The following PCM1 variants were observed in gnomAD, a reference collection of about 807,000 sequenced individuals.
The protein encoded by PCM1 is pericentriolar material 1 protein.
A neutral mutation model predicts 241.9 loss-of-function variants in PCM1; 157 were observed. The observed-to-expected ratio is 0.65, with a 90% CI of 0.57 to 0.74. PCM1 has a LOEUF of 0.74. PCM1 is among the 30% of genes least tolerant of loss of function. The pLI, the probability that PCM1 is intolerant of heterozygous loss-of-function variation, is 0.00. For missense variants in PCM1, 3,478 were observed against 2,360.1 expected (o/e 1.47, Z -9.81); for synonymous variants, 1,085 against 784.9 (o/e 1.38, Z -6.39).
rs1330813176 is a variant in PCM1 at position 17,964,743 on chromosome 8, T to G, written c.2830T>G (p.Tyr944Asp). The G allele has an allele frequency of 6.2e-7, 1 of 1,613,532 alleles. No individual in the cohort carries two copies. Among genetic ancestry groups the G allele is most frequent in the Non-Finnish European group, 8.5e-7 (1 of 1,179,460 alleles). ...CPSNSVNHNSYNGKETKNRWK... is the reference protein window; with the variant it reads ...CPSNSVNHNSDNGKETKNRWK... ...TTCTAACAGTGTGAATCATAACTCC[T>G]ACAATGGAAAGGAAACTAAAAATAG... Residue 944 changes from tyrosine (Y) to aspartate (D), a missense_variant, in exon 18 of 39, where the codon TAC becomes GAC. Coordinates refer to ENST00000325083, the MANE Select transcript of PCM1 (RefSeq NM_006197.4).
intron 6 of PCM1, among the ~76,000 whole-genome samples, chr8:17,943,107 CAT>C (rs932962580): frequency 1.5e-4 from 22 of 150,980 alleles, no homozygotes; most frequent in African/African-American, 5.1e-4. Context: ...AGACTAATTT[CAT>C]ATGTTTTATT....
At chr8:17,956,466 C>G in intron 10 of PCM1, 138 bp from the exon 11 acceptor site, 1 of 605,044 alleles carries the variant, frequency 1.7e-6, no homozygotes, top group Non-Finnish European at 2.9e-6. Flanking sequence ...TACAGTCATA[C>G]CCCCTGGAGA....
At chr8:18,014,241 A>C (rs950042598) in intron 35 of PCM1, among the ~76,000 whole-genome samples, 3 of 152,158 alleles carry the variant, frequency 2.0e-5, no homozygotes, top group Non-Finnish European at 4.4e-5. Flanking sequence ...AAAAGGTGAC[A>C]AATATTTACC....
At chr8:17,945,628 A>G (rs566119891) in intron 6 of PCM1, among the ~76,000 whole-genome samples, 3 of 152,188 alleles carry the variant, frequency 2.0e-5, no homozygotes, top group African/African-American at 7.2e-5. Flanking sequence ...ACAGTTACTC[A>G]TGCTCATTCA....
At chr8:17,972,950 T>C (rs10112514) in intron 23 of PCM1, among the ~76,000 whole-genome samples, 71,957 of 152,034 alleles carry the variant, frequency 0.47, 19,053 homozygotes, top group Non-Finnish European at 0.62. Context: ...TTGTAGATTA[T>C]TGAAAAATTG....
At chr8:17,962,776 G>T (rs972298955) in intron 16 of PCM1, among the ~76,000 whole-genome samples, 3 of 151,520 alleles carry the variant, frequency 2.0e-5, no homozygotes, top group Admixed American at 6.6e-5. Flanking sequence ...AGTGGTGGGC[G>T]CCTGTAATCC....
intron 21 of PCM1, among the ~76,000 whole-genome samples, chr8:17,968,166 A>G (rs535960664): frequency 4.4e-4 from 67 of 152,330 alleles, no homozygotes; most frequent in African/African-American, 1.6e-3. Context: ...TTATAAAGCA[A>G]TGAAATAGTA....
chr8:17,949,313 G>C (rs552577516), intron 7 of PCM1, among the ~76,000 whole-genome samples: 7 of 152,108 alleles, frequency 4.6e-5, no homozygotes, highest in African/African-American at 7.2e-5. Context: ...ACCTCAAAGA[G>C]TGTCCCTTTC....
chr8:17,960,929 C>G (rs208062), intron 15 of PCM1, among the ~76,000 whole-genome samples: 2 of 151,840 alleles, frequency 1.3e-5, no homozygotes, highest in African/African-American at 4.8e-5. Flanking sequence ...AAAGACAGCA[C>G]ATAGGAATTG....
At chr8:18,026,494 C>G in intron 38 of PCM1, among the ~76,000 whole-genome samples, 1 of 151,708 alleles carries the variant, frequency 6.6e-6, no homozygotes, top group African/African-American at 2.4e-5. Flanking sequence ...CTCCTGACCT[C>G]GTGATCCGCC....
In PCM1 at chr8:18,025,619, G is replaced by C; in HGVS notation, c.6010G>C (p.Glu2004Gln). 6.3e-7 allele frequency: 1 copy of C among 1,576,572 alleles called. No individual in the cohort carries two copies. The highest frequency in any genetic ancestry group is 1.2e-5 in the South Asian group (1 of 85,314). ...LSGEICEMQT[E>Q]ELAGNSETLK... ...TGGTGAAATATGTGAAATGCAGACC[G>C]AAGAATTAGCTGGAAATTCTGAGAC... Residue 2004 changes from glutamate (E) to glutamine (Q), a missense_variant, in exon 38 of 39, where the codon GAA becomes CAA. Coordinates refer to ENST00000325083, the MANE Select transcript of PCM1 (RefSeq NM_006197.4).
chr8:18,012,892 CT>C (rs570964000), intron 34 of PCM1, among the ~76,000 whole-genome samples: 48 of 152,116 alleles, frequency 3.2e-4, no homozygotes, highest in African/African-American at 1.1e-3. Context: ...TGAACACTTT[CT>C]TTTTTTCTGA....
chr8:17,935,889 A>G (rs185801427), intron 3 of PCM1, among the ~76,000 whole-genome samples, 183 bp downstream of exon 3: 33 of 152,298 alleles, frequency 2.2e-4, no homozygotes, highest in African/African-American at 7.2e-4. Context: ...TTAAGCCCCA[A>G]AGCAGATTTA....
At chr8:18,026,788 T>G (rs1295634098) in intron 38 of PCM1, among the ~76,000 whole-genome samples, 1 of 152,204 alleles carries the variant, frequency 6.6e-6, no homozygotes, top group African/African-American at 2.4e-5. Context: ...TTCCATCAAC[T>G]TTGGTCATTA....
rs924013412 is a variant in PCM1, at chr8:18,008,919, A to G, written c.4963-628A>G. Among the ~76,000 whole-genome samples the G allele has an allele frequency of 2.6e-5, 4 of 152,256 alleles. No individual in the cohort carries two copies. In the East Asian group the frequency reaches 7.7e-4, roughly 29 times the overall value. On this transcript the variant is annotated intron_variant, in intron 30 of 38. Coordinates refer to ENST00000325083, the MANE Select transcript of PCM1 (RefSeq NM_006197.4). The stretch of plus-strand genomic sequence containing the variant: ...GCCAGGGCTTAACTTCCTCCTTGAC[A>G]TAATAAATGTAGAGGGTCTTGAAAT...
At chr8:17,988,236 C>T (rs929068904) in intron 26 of PCM1, among the ~76,000 whole-genome samples, 3 of 151,762 alleles carry the variant, frequency 2.0e-5, no homozygotes, top group Admixed American at 2.0e-4. Context: ...TCCTAAAATA[C>T]GTTCCTTAAT....
At chr8:18,007,648 A>T (rs753326732) in intron 30 of PCM1, among the ~76,000 whole-genome samples, 41 of 152,318 alleles carry the variant, frequency 2.7e-4, no homozygotes, top group Non-Finnish European at 4.4e-4. Context: ...TTTTCACAAG[A>T]GGACATACAT....
intron 36 of PCM1, among the ~76,000 whole-genome samples, chr8:18,021,085 G>C (rs1195404701): frequency 6.6e-6 from 1 of 152,144 alleles, no homozygotes; most frequent in African/African-American, 2.4e-5. Flanking sequence ...AAATCACTCA[G>C]GATAATTTGT....
chr8:17,989,423 A>G (rs187129309), intron 26 of PCM1, among the ~76,000 whole-genome samples: 2 of 152,156 alleles, frequency 1.3e-5, no homozygotes, highest in African/African-American at 4.8e-5. Context: ...TATATTAATT[A>G]TATTTCAATA....
Sources: allele counts gnomAD v4.1 joint callset (sites outside exome capture counted in the v4.1 genomes callset), GRCh38; gene constraint gnomAD v4.1.1; transcripts MANE v1.5; gene names NCBI Gene and HGNC (gene_info 2026-07-23, HGNC 2026-07-21).